CPA1: variants seen among roughly 807,000 people sequenced by gnomAD.
The protein encoded by CPA1 is carboxypeptidase A1.
CPA1 carries 42 observed loss-of-function variants against 48.7 expected under a neutral mutation model. That is an observed-to-expected ratio of 0.86 (90% CI 0.67 to 1.11). CPA1 has a LOEUF of 1.11. Among genes scored for constraint, CPA1 ranks in the 50% most tolerant of loss-of-function variants. The probability of loss-of-function intolerance (pLI) is 0.00; values close to 1 mark genes in which losing one functional copy is unlikely to be tolerated. For missense variants in CPA1, 477 were observed against 544.7 expected (o/e 0.88, Z 1.24); for synonymous variants, 203 against 217.9 (o/e 0.93, Z 0.60).
chr7:130,381,336 C>T (rs781808751), intron 2 of CPA1, among the ~76,000 whole-genome samples, 157 bp downstream of exon 2: 20 of 152,042 alleles, frequency 1.3e-4, no homozygotes, highest in Non-Finnish European at 2.6e-4. Context: ...AGCTCCAGAG[C>T]CTTGCTGCCC....
chr7:130,382,982 T>C (rs1655662512), intron 4 of CPA1, among the ~76,000 whole-genome samples: 1 of 151,830 alleles, frequency 6.6e-6, no homozygotes, highest in Non-Finnish European at 1.5e-5. Context: ...GGTTTTGCCA[T>C]GTTGCCTTGG....
intron 6 of CPA1, 55 bp downstream of exon 6, chr7:130,383,849 C>G: frequency 7.9e-7 from 1 of 1,271,408 alleles, no homozygotes; most frequent in Non-Finnish European, 1.2e-6. Context: ...GGCTTCTAAG[C>G]TGCACAAGTA....
intron 6 of CPA1, 150 bp from the exon 7 acceptor site, chr7:130,384,386 A>T: frequency 1.5e-6 from 1 of 645,832 alleles, no homozygotes; most frequent in Non-Finnish European, 2.7e-6. Context: ...CTCAGCTTCC[A>T]ATCAGGGCAC....
In CPA1 at chr7:130,383,673, T is replaced by A; in HGVS notation, c.586-11T>A. ...AGCCTGCGCTGCCCCTCTGCTCCTC[T>A]AACCCCCCAGATCACTCAAGACTAC... On this transcript the variant is annotated splice_polypyrimidine_tract_variant and intron_variant, in intron 5 of 9. Transcript: ENST00000011292. 1.2e-6 allele frequency: 2 copies of A among 1,606,156 alleles called. No individual in the cohort carries two copies. The highest frequency in any genetic ancestry group is 1.7e-6 in the Non-Finnish European group (2 of 1,172,708).
In CPA1 at chr7:130,385,860, G is replaced by C. The variant is rs529373594; in HGVS notation, c.1009G>C (p.Val337Leu). Residue 337 changes from valine to leucine, a missense_variant, in exon 9 of 10, where the codon GTG becomes CTG. Coordinates refer to ENST00000011292, the MANE Select transcript of CPA1 (RefSeq NM_001868.4). ...CCAGGATCAGCTTTCCAAGGCTGCT[G>C]TGACAGCCCTGGCCTCTCTCTACGG... The part of the protein sequence containing the change: ...DELDQLSKAA[V>L]TALASLYGTK... The C allele has an allele frequency of 2.5e-6, 4 of 1,614,124 alleles. No homozygotes were observed. The highest frequency in any genetic ancestry group is 3.4e-6 in the Non-Finnish European group (4 of 1,180,004).
In CPA1 at chr7:130,387,137, G is replaced by A. The variant is rs986045462; in HGVS notation, c.1073-687G>A. Among the ~76,000 whole-genome samples the A allele has an allele frequency of 1.3e-5, 2 of 152,190 alleles. No homozygotes were observed. Among genetic ancestry groups the A allele is most frequent in the African/African-American group, 2.4e-5 (1 of 41,444 alleles). ...TAGAAGGCTGAGGGGGCAGGGCTGC[G>A]TACACACCTCACACGCTTCCTGCCT... On this transcript the variant is annotated intron_variant, in intron 9 of 9. Coordinates refer to ENST00000011292, the MANE Select transcript of CPA1 (RefSeq NM_001868.4). The surrounding 1 kb of genome is among the most constrained non-coding windows in gnomAD (Gnocchi z 4.6).
Position 130,382,200 on chromosome 7 carries a change from C to G in CPA1, c.474C>G (p.Tyr158Ter). 6.2e-7 allele frequency: 1 copy of G among 1,613,658 alleles called. No homozygotes were observed. The highest frequency in any genetic ancestry group is 8.5e-7 in the Non-Finnish European group (1 of 1,179,614). Residue 158 changes from tyrosine (Y) to a stop codon, truncating the protein, a stop_gained, in exon 4 of 10, where the codon TAC (tyrosine) becomes TAG (stop). Transcript: ENST00000011292. LOFTEE classifies it high-confidence loss of function. Reference protein sequence around the residue: ...IGNTYEGRPIYVLKFSTGGSK... With the variant: ...IGNTYEGRPI ...ACACCTATGAAGGGCGTCCCATTTA[C>G]GTGCTGAAGGTAACATCCACATGTG...
chr7:130,382,011 C>A, intron 3 of CPA1, 97 bp from the exon 4 acceptor site: 1 of 1,216,704 alleles, frequency 8.2e-7, no homozygotes, highest in Non-Finnish European at 1.2e-6. Context: ...AGCTCCATTG[C>A]AGGGCTCGCA....
intron 7 of CPA1, 177 bp downstream of exon 7, chr7:130,384,803 G>T (rs375797936): frequency 4.3e-5 from 27 of 627,532 alleles, no homozygotes; most frequent in Non-Finnish European, 7.5e-5. Context: ...GTTGTTACTC[G>T]CCTGCAAAAG....
intron 9 of CPA1, among the ~76,000 whole-genome samples, chr7:130,386,779 T>G (rs1796482250): frequency 6.6e-6 from 1 of 151,982 alleles, no homozygotes; most frequent in Non-Finnish European, 1.5e-5. Context: ...AGACCAACAA[T>G]GAACATAAAT....
At position 130,380,500 on chromosome 7, in the gene CPA1, A is replaced by AC; in HGVS notation, c.-19dup. 2 of 1,311,628 alleles carry AC rather than the reference A, an allele frequency of 1.5e-6. No individual in the cohort carries two copies. The highest frequency in any genetic ancestry group is 2.0e-6 in the Non-Finnish European group (2 of 1,020,694). 81.2% of individuals were successfully genotyped at this position (1,311,628 alleles called of 1,614,324 possible). On this transcript the variant is annotated 5_prime_UTR_variant, in exon 1 of 10. Transcript: ENST00000011292. ...AGGGGGCCGTCTCGACCTCAGTCTG[A>AC]CCTTCCCTCCCGGCAGCAGCATGCG...
In CPA1 at chr7:130,383,805, T is replaced by C; in HGVS notation, c.696+11T>C. ...TTCACGCACAGCACGGTACCGGCCT[T>C]CTCCTGTCCTTGGGGGAAGCAGGAT... On this transcript the variant is annotated intron_variant, in intron 6 of 9. Coordinates refer to ENST00000011292, the MANE Select transcript of CPA1 (RefSeq NM_001868.4). The C allele has an allele frequency of 6.3e-7, 1 of 1,588,570 alleles. No individual in the cohort carries two copies. The highest frequency in any genetic ancestry group is 8.6e-7 in the Non-Finnish European group (1 of 1,158,674).
rs1554412205 is a variant in CPA1, at chr7:130,387,801, C to A, written c.1073-23C>A. The A allele has an allele frequency of 6.2e-7, 1 of 1,608,900 alleles. No individual in the cohort carries two copies. The highest frequency in any genetic ancestry group is 2.2e-5 in the East Asian group (1 of 44,844). On this transcript the variant is annotated intron_variant, in intron 9 of 9. Transcript: ENST00000011292. This position sits in a 1 kb window ranked among gnomAD's most constrained non-coding sequence, Gnocchi z 4.6. ...ATTCCCAAAGTGATTGACCCTTTCT[C>A]TCCTATTTTACTCCTGCCCCAGATC...
At chr7:130,383,920 G>A (rs1206141339) in intron 6 of CPA1, 126 bp downstream of exon 6, 2 of 745,020 alleles carry the variant, frequency 2.7e-6, no homozygotes, top group African/African-American at 3.4e-5. Flanking sequence ...TGTGCTCCTA[G>A]CCGAGGGTGT....
At position 130,381,300 on chromosome 7, in the gene CPA1, CT is replaced by C. The variant is rs1796400857; in HGVS notation, c.147+122del. 7.1e-6 allele frequency: 5 copies of C among 708,604 alleles called. No homozygotes were observed. The East Asian group carries it at 1.4e-4, about 19-fold the overall frequency. The allele number at this position is 708,604 out of a possible 1,614,324, so 43.9% of individuals were successfully genotyped here. On this transcript the variant is annotated intron_variant, in intron 2 of 9. Transcript: ENST00000011292. The stretch of plus-strand genomic sequence containing the variant: ...CCAACAAGGAGACATGGAATTGACT[CT>C]GTTAGGAAGCGACTTCAAGCCCCCA...
rs567145944 is a variant in CPA1, at chr7:130,385,373, C to T, written c.987+28C>T. The T allele has an allele frequency of 3.5e-5, 56 of 1,608,856 alleles. 1 individual carries two copies. In the South Asian group the frequency reaches 4.4e-4, roughly 13 times the overall value. On this transcript the variant is annotated intron_variant, in intron 8 of 9. Transcript: ENST00000011292. ...AGGCACTGACCTCGGCTTGCCCCCTCGTCCCCAAGGTGGCTTCGGACAGGC... is the reference window on the plus strand; with the variant it reads ...AGGCACTGACCTCGGCTTGCCCCCTTGTCCCCAAGGTGGCTTCGGACAGGC...
At position 130,385,224 on chromosome 7, in the gene CPA1, T is replaced by C. The variant is rs782320620; in HGVS notation, c.866T>C (p.Ile289Thr). The stretch of plus-strand genomic sequence containing the variant: ...AATTCCGAAGTGGAGGTCAAGTCCA[T>C]TGTAGACTTTGTGAAGGACCATGGG... Reference protein sequence around the residue: ...FANSEVEVKSIVDFVKDHGNI... With the variant: ...FANSEVEVKSTVDFVKDHGNI... Residue 289 changes from isoleucine (I) to threonine (T), a missense_variant, in exon 8 of 10, where the codon ATT (isoleucine) becomes ACT (threonine). By Grantham distance (89) the Ile-to-Thr change is moderately conservative. Transcript: ENST00000011292. The C allele has an allele frequency of 2.5e-6, 4 of 1,614,230 alleles. No homozygotes were observed. The highest frequency in any genetic ancestry group is 2.5e-6 in the Non-Finnish European group (3 of 1,180,040).
At position 130,383,401 on chromosome 7, in the gene CPA1, G is replaced by C. The variant is rs200317425; in HGVS notation, c.494G>C (p.Gly165Ala). Reference protein sequence around the residue: ...RPIYVLKFSTGGSKRPAIWID... With the variant: ...RPIYVLKFSTAGSKRPAIWID... ...CTGCCTCCTCTCCAGTTCAGCACGGGGGGCAGTAAGCGTCCAGCCATCTGG... is the reference window on the plus strand; with the variant it reads ...CTGCCTCCTCTCCAGTTCAGCACGGCGGGCAGTAAGCGTCCAGCCATCTGG... The change falls in exon 5 of 10, where the codon GGG (glycine) becomes GCG (alanine). Residue 165 changes from glycine (G) to alanine (A), a missense_variant. Gly to Ala is a moderately conservative substitution (Grantham distance 60, BLOSUM62 0). Coordinates refer to ENST00000011292, the MANE Select transcript of CPA1 (RefSeq NM_001868.4). 3.1e-6 allele frequency: 5 copies of C among 1,614,052 alleles called. No homozygotes were observed. In the African/African-American group the frequency reaches 5.3e-5, roughly 17 times the overall value.
At chr7:130,386,061 G>C in intron 9 of CPA1, 138 bp downstream of exon 9, 1 of 654,442 alleles carries the variant, frequency 1.5e-6, no homozygotes, top group Non-Finnish European at 2.7e-6. Context: ...GCTATTCTGA[G>C]GGGTGGGCAG....
Sources: gnomAD v4.1 joint callset for allele counts (sites outside exome capture counted in the v4.1 genomes callset) on GRCh38, gnomAD v4.1.1 for gene constraint, Gnocchi (gnomAD v3.1) non-coding constraint, MANE v1.5 for transcripts, NCBI Gene and HGNC (gene_info 2026-07-23, HGNC 2026-07-21) for gene names.